Variants in SNX31 observed in about 807,000 individuals in gnomAD.
The protein encoded by SNX31 is sorting nexin 31.
Under a neutral mutation model 65.4 loss-of-function variants are expected in SNX31, and 58 were observed. The observed-to-expected ratio is 0.89, with a 90% confidence interval of 0.72 to 1.10. The LOEUF is 1.10. Ranked by LOEUF, SNX31 falls within the 50% of genes least tolerant of loss-of-function variation. The probability of loss-of-function intolerance (pLI) is 0.00; values close to 1 mark genes in which losing one functional copy is unlikely to be tolerated. For missense variants in SNX31, 523 were observed against 529.7 expected, an observed-to-expected ratio of 0.99 and a Z score of 0.12; for synonymous variants, 181 against 190.1, an observed-to-expected ratio of 0.95 and a Z score of 0.39.
chr8:100,606,728 C>T (rs1323179032), intron 8 of SNX31, among the ~76,000 whole-genome samples: 1 of 152,200 alleles, frequency 6.6e-6, no homozygotes, highest in Non-Finnish European at 1.5e-5. Context: ...ATAAAGGCCA[C>T]CTGTAAACAA....
At chr8:100,661,982 G>T (rs1402142061) in intron 1 of SNX31, among the ~76,000 whole-genome samples, 1 of 152,078 alleles carries the variant, frequency 6.6e-6, no homozygotes, top group Admixed American at 6.6e-5. Flanking sequence ...GCACCTCCAC[G>T]TCCAGCTAAT....
rs1241186319 is a variant in SNX31, at chr8:100,604,234, G to A, written c.682-3793C>T. Among the ~76,000 whole-genome samples, 1 of 151,958 alleles carries A rather than the reference G, an allele frequency of 6.6e-6. No homozygotes were observed. The highest frequency in any genetic ancestry group is 2.4e-5 in the African/African-American group (1 of 41,360). On this transcript the variant is annotated intron_variant, in intron 8 of 13. Coordinates refer to ENST00000311812, the MANE Select transcript of SNX31 (RefSeq NM_152628.4). This position sits in a 1 kb window ranked among gnomAD's most constrained non-coding sequence, Gnocchi z 4.3. ...TGCAGAATTGAACTTAAAAAATCAAGCATCCTAAAGGTGCTGCAGATAGAA... is the reference window on the plus strand; with the variant it reads ...TGCAGAATTGAACTTAAAAAATCAAACATCCTAAAGGTGCTGCAGATAGAA...
At chr8:100,619,530 C>A (rs532278839) in intron 4 of SNX31, among the ~76,000 whole-genome samples, 1 of 152,342 alleles carries the variant, frequency 6.6e-6, no homozygotes, top group African/African-American at 2.4e-5. Flanking sequence ...TTCAGGGAAG[C>A]ACAGGCTGAA....
chr8:100,600,997 C>G (rs1586906310), intron 8 of SNX31, among the ~76,000 whole-genome samples: 1 of 152,072 alleles, frequency 6.6e-6, no homozygotes, highest in Non-Finnish European at 1.5e-5. Context: ...AAATGGGCAA[C>G]AGCTATGTAT....
Position 100,609,732 on chromosome 8 carries a change from G to T in SNX31, c.612-1169C>A, listed in dbSNP as rs539420820. 2.0e-5 allele frequency among the ~76,000 whole-genome samples: 3 copies of T among 152,248 alleles called. No homozygotes were observed. The East Asian group carries it at 5.8e-4, about 29-fold the overall frequency. Reference sequence around the variant, plus strand: ...TTGAAGGTCAACTTCATTCTGGGGTGGGGAGAAGTAACTGAAGCATCCCTA... The same window carrying T: ...TTGAAGGTCAACTTCATTCTGGGGTTGGGAGAAGTAACTGAAGCATCCCTA... On this transcript the variant is annotated intron_variant, in intron 7 of 13. Coordinates refer to ENST00000311812, the MANE Select transcript of SNX31 (RefSeq NM_152628.4). This position sits in a 1 kb window ranked among gnomAD's most constrained non-coding sequence, Gnocchi z 4.9.
intron 10 of SNX31, among the ~76,000 whole-genome samples, chr8:100,592,357 A>G (rs1367774027): frequency 6.6e-6 from 1 of 152,258 alleles, no homozygotes; most frequent in Non-Finnish European, 1.5e-5. Flanking sequence ...TTAAAGCTAT[A>G]GCAATAGAAA....
chr8:100,597,435 T>A (rs1815214689), intron 9 of SNX31, among the ~76,000 whole-genome samples: 1 of 152,102 alleles, frequency 6.6e-6, no homozygotes, highest in Non-Finnish European at 1.5e-5. Flanking sequence ...GGAGACAGGG[T>A]TTCACCATGT....
Position 100,609,183 on chromosome 8 carries a change from A to G in SNX31, c.612-620T>C, listed in dbSNP as rs1378539468. Reference sequence around the variant, plus strand: ...CCATCTCTCACCAACCCCACCACCAACGCTACATTCCAACCATGTTTTCTC... The same window carrying G: ...CCATCTCTCACCAACCCCACCACCAGCGCTACATTCCAACCATGTTTTCTC... On this transcript the variant is annotated intron_variant, in intron 7 of 13. Coordinates refer to ENST00000311812, the MANE Select transcript of SNX31 (RefSeq NM_152628.4). This position sits in a 1 kb window ranked among gnomAD's most constrained non-coding sequence, Gnocchi z 4.9. Among the ~76,000 whole-genome samples the G allele has an allele frequency of 6.6e-6, 1 of 151,778 alleles. No individual in the cohort carries two copies. Among genetic ancestry groups the G allele is most frequent in the Non-Finnish European group, 1.5e-5 (1 of 67,888 alleles).
Position 100,630,241 on chromosome 8 carries a change from C to T in SNX31, c.321+86G>A. ...AGGCTCTGTGGGGCTGTGACCAGTG[C>T]ACACATGTGTGTGTACCTGCACACT... is the stretch of plus-strand genomic sequence containing the variant. On this transcript the variant is annotated intron_variant, in intron 4 of 13. Transcript: ENST00000311812. The surrounding 1 kb of genome is among the most constrained non-coding windows in gnomAD (Gnocchi z 5.3). 1 of 1,257,564 alleles carries T rather than the reference C, an allele frequency of 8.0e-7. No individual in the cohort carries two copies. The highest frequency in any genetic ancestry group is 1.5e-5 in the African/African-American group (1 of 67,258). The allele number at this position is 1,257,564 out of a possible 1,614,324, so 77.9% of individuals were successfully genotyped here. A position where few individuals can be genotyped will look rare whatever the true frequency, so the allele number is the denominator to read the frequency against.
chr8:100,642,003 C>A (rs901148694), intron 2 of SNX31, among the ~76,000 whole-genome samples: 1 of 151,952 alleles, frequency 6.6e-6, no homozygotes, highest in African/African-American at 2.4e-5. Flanking sequence ...GGCGCGAACC[C>A]GGGAGGCGGA....
At chr8:100,579,895 C>T (rs1813346637) in intron 12 of SNX31, among the ~76,000 whole-genome samples, 1 of 151,870 alleles carries the variant, frequency 6.6e-6, no homozygotes. Flanking sequence ...CATGGTGGCT[C>T]ACACCTGTAA....
intron 1 of SNX31, among the ~76,000 whole-genome samples, chr8:100,656,540 C>T (rs1194709298): frequency 6.8e-6 from 1 of 146,050 alleles, no homozygotes; most frequent in Non-Finnish European, 1.5e-5. Flanking sequence ...ACTCGGGAGG[C>T]CAAGGCGGGA....
intron 12 of SNX31, among the ~76,000 whole-genome samples, chr8:100,579,985 C>T (rs62513865): frequency 0.046 from 7,033 of 151,628 alleles, 238 homozygotes; most frequent in Non-Finnish European, 0.07. Context: ...CATAGTGAGA[C>T]CCCTGTCTCT....
intron 10 of SNX31, among the ~76,000 whole-genome samples, chr8:100,590,771 G>A (rs1336182512): frequency 2.0e-5 from 3 of 151,740 alleles, no homozygotes; most frequent in Non-Finnish European, 1.5e-5. Context: ...AACAGAGTAA[G>A]ACTCCATCTC....
intron 2 of SNX31, among the ~76,000 whole-genome samples, chr8:100,641,625 C>CATAT (rs368399829): frequency 0.015 from 732 of 48,620 alleles, 8 homozygotes; most frequent in African/African-American, 0.031. Flanking sequence ...CACACACGCG[C>CATAT]ATATATATAT....
chr8:100,609,910 C>A lies in SNX31; in HGVS notation c.612-1347G>T, dbSNP rs1816552951. On this transcript the variant is annotated intron_variant, in intron 7 of 13. Coordinates refer to ENST00000311812, the MANE Select transcript of SNX31 (RefSeq NM_152628.4). The surrounding 1 kb of genome is among the most constrained non-coding windows in gnomAD (Gnocchi z 4.9). ...TCATCATTGGAGAGATGCACCCAGG[C>A]ATCTCTCCTTAAGGACAGAGAAGTC... is the stretch of plus-strand genomic sequence containing the variant. Among the ~76,000 whole-genome samples, 1 of 152,168 alleles carries A rather than the reference C, an allele frequency of 6.6e-6. No homozygotes were observed. The highest frequency in any genetic ancestry group is 1.5e-5 in the Non-Finnish European group (1 of 68,012).
rs759937856 is a variant in SNX31 at position 100,578,279 on chromosome 8, A to C, written c.1171-1204T>G. Among the ~76,000 whole-genome samples, 1 of 152,186 alleles carries C rather than the reference A, an allele frequency of 6.6e-6. No individual in the cohort carries two copies. The highest frequency in any genetic ancestry group is 1.5e-5 in the Non-Finnish European group (1 of 68,030). Reference sequence around the variant, plus strand: ...TCTTAGACTCTTCTTAATGGGAAAGAAAAGAACTGCTATGTGCGTTAGGTA... The same window carrying C: ...TCTTAGACTCTTCTTAATGGGAAAGCAAAGAACTGCTATGTGCGTTAGGTA... On this transcript the variant is annotated intron_variant, in intron 12 of 13. Coordinates refer to ENST00000311812, the MANE Select transcript of SNX31 (RefSeq NM_152628.4). This position sits in a 1 kb window ranked among gnomAD's most constrained non-coding sequence, Gnocchi z 4.7.
intron 2 of SNX31, among the ~76,000 whole-genome samples, chr8:100,641,595 TACACATAC>T (rs1335507462): frequency 7.2e-4 from 16 of 22,100 alleles, no homozygotes; most frequent in African/African-American, 4.9e-3. Flanking sequence ...TATATATATA[TACACATAC>T]ACACACACAC....
chr8:100,657,824 T>A (rs772394896), intron 1 of SNX31: 13 of 454,716 alleles, frequency 2.9e-5, no homozygotes, highest in Non-Finnish European at 4.9e-5. Flanking sequence ...TAAGCCAAGA[T>A]CGCCCCACTG....
Sources: allele counts gnomAD v4.1 joint callset (sites outside exome capture counted in the v4.1 genomes callset), GRCh38; gene constraint gnomAD v4.1.1; non-coding constraint Gnocchi (gnomAD v3.1); transcripts MANE v1.5; gene names NCBI Gene and HGNC (gene_info 2026-07-23, HGNC 2026-07-21).